The following KCNAB1 variants were observed in gnomAD, a reference collection of about 807,000 sequenced individuals.
KCNAB1 encodes potassium voltage-gated channel subfamily A regulatory beta subunit 1.
In KCNAB1, 35 loss-of-function variants were observed where a neutral mutation model predicts 64.6. The ratio of observed to expected loss-of-function variants is 0.54; its 90% CI spans 0.41 to 0.72. The LOEUF (loss-of-function observed/expected upper bound fraction) is 0.72. KCNAB1 is among the 30% of genes least tolerant of loss of function. The pLI is 0.00. For synonymous variants in KCNAB1, 177 were observed against 183.8 expected (o/e 0.96, Z 0.30); for missense variants, 401 against 512.9 (o/e 0.78, Z 2.11).
intron 1 of KCNAB1, among the ~76,000 whole-genome samples, chr3:156,165,071 G>A (rs1427316697): frequency 6.6e-6 from 1 of 151,910 alleles, no homozygotes; most frequent in East Asian, 1.9e-4. Flanking sequence ...GAGGTCAGGA[G>A]ATCGAGACCA....
intron 1 of KCNAB1, among the ~76,000 whole-genome samples, chr3:156,352,312 A>G (rs1032311694): frequency 6.6e-6 from 1 of 152,148 alleles, no homozygotes; most frequent in Non-Finnish European, 1.5e-5. Context: ...GGATCCTGCT[A>G]TGCCTGATCA....
intron 1 of KCNAB1, among the ~76,000 whole-genome samples, chr3:156,248,165 T>A (rs535612624): frequency 1.3e-5 from 2 of 152,240 alleles, no homozygotes; most frequent in Non-Finnish European, 2.9e-5. Context: ...TTGTAATCAA[T>A]GCACCAATGA....
chr3:156,338,903 C>A (rs1723912732), intron 1 of KCNAB1, among the ~76,000 whole-genome samples: 1 of 152,180 alleles, frequency 6.6e-6, no homozygotes, highest in South Asian at 2.1e-4. Flanking sequence ...TGGGGTGCTC[C>A]CAGTCACCTG....
intron 1 of KCNAB1, among the ~76,000 whole-genome samples, chr3:156,237,093 T>C (rs765260833): frequency 6.6e-6 from 1 of 152,186 alleles, no homozygotes; most frequent in Non-Finnish European, 1.5e-5. Context: ...GTACACACAA[T>C]GTTTGAACAG....
rs1347536675 is a variant in KCNAB1 at position 156,354,114 on chromosome 3, GTGTGTGTATATATATATATATATATA to G, written c.276-67500_276-67475del. On this transcript the variant is annotated intron_variant, in intron 1 of 13. Coordinates refer to ENST00000490337, the MANE Select transcript of KCNAB1 (RefSeq NM_172160.3). ...ATATATAATATATGTATATATATGT[GTGTGTGTATATATATATATATATATA>G]TATGTGTATATATATATATGTATAT... 5.7e-5 allele frequency among the ~76,000 whole-genome samples: 6 copies of G among 105,666 alleles called. 1 individual carries two copies. In the South Asian group the frequency reaches 1.2e-3, roughly 22 times the overall value. The allele number at this position is 105,666 out of a possible 152,430, so 69.3% of individuals were successfully genotyped here. A position where few individuals can be genotyped will look rare whatever the true frequency, so the allele number is the denominator to read the frequency against.
At chr3:156,366,246 T>C (rs1445390164) in intron 1 of KCNAB1, among the ~76,000 whole-genome samples, 1 of 152,050 alleles carries the variant, frequency 6.6e-6, no homozygotes, top group Non-Finnish European at 1.5e-5. Context: ...AAACAAATGA[T>C]GGGATGAAAA....
rs3085726 is a variant in KCNAB1, at chr3:156,537,240, CAAAA to C, written c.*502_*505del. 5.7e-5 allele frequency: 20 copies of C among 350,130 alleles called. No homozygotes were observed. Among genetic ancestry groups the C allele is most frequent in the African/African-American group, 1.5e-4 (7 of 46,078 alleles). The allele number at this position is 350,130 out of a possible 1,614,324, so 21.7% of individuals were successfully genotyped here. On this transcript the variant is annotated 3_prime_UTR_variant, in exon 14 of 14. Transcript: ENST00000490337. ...TAGTTATTAAAAATATATCTCACTG[CAAAA>C]AAAAAAAAGCAGTATCTTCACTCAA...
chr3:156,207,736 G>A (rs1398210153), intron 1 of KCNAB1, among the ~76,000 whole-genome samples: 2 of 152,222 alleles, frequency 1.3e-5, no homozygotes, highest in South Asian at 2.1e-4. Context: ...GGCTTCCTTG[G>A]TTGTATTCAA....
At chr3:156,125,457 A>T (rs1043843816) in intron 1 of KCNAB1, among the ~76,000 whole-genome samples, 1 of 152,230 alleles carries the variant, frequency 6.6e-6, no homozygotes, top group Admixed American at 6.5e-5. Flanking sequence ...AGTGACTTGG[A>T]GATAGAATAC....
At position 156,508,337 on chromosome 3, in the gene KCNAB1, A is replaced by G. The variant is rs1220427911; in HGVS notation, c.659-6027A>G. On this transcript the variant is annotated intron_variant, in intron 8 of 13. Transcript: ENST00000490337. This position sits in a 1 kb window ranked among gnomAD's most constrained non-coding sequence, Gnocchi z 4.1. ...TAAGCATATTTTTATCTTTACCCCT[A>G]TGGCTTATTGTTCATGCAGTACAAC... Among the ~76,000 whole-genome samples, 1 of 152,076 alleles carries G rather than the reference A, an allele frequency of 6.6e-6. No homozygotes were observed. The highest frequency in any genetic ancestry group is 1.5e-5 in the Non-Finnish European group (1 of 68,024).
intron 1 of KCNAB1, chr3:156,227,984 G>A (rs1056961825): frequency 6.6e-6 from 1 of 152,238 alleles, no homozygotes; most frequent in African/African-American, 2.4e-5. Flanking sequence ...TAGAGGCACG[G>A]GAAGAGAGAG....
intron 1 of KCNAB1, among the ~76,000 whole-genome samples, chr3:156,356,758 A>G (rs771654127): frequency 6.6e-6 from 1 of 152,216 alleles, no homozygotes; most frequent in Non-Finnish European, 1.5e-5. Flanking sequence ...CTGGCTGCAC[A>G]AGTTTCTGCA....
At chr3:156,488,840 G>T (rs557461482) in intron 8 of KCNAB1, among the ~76,000 whole-genome samples, 1 of 152,250 alleles carries the variant, frequency 6.6e-6, no homozygotes, top group South Asian at 2.1e-4. Context: ...GCCGTGGACT[G>T]TAATGTGGTT....
intron 1 of KCNAB1, among the ~76,000 whole-genome samples, chr3:156,254,715 G>T (rs971311389): frequency 6.6e-6 from 1 of 152,164 alleles, no homozygotes; most frequent in Non-Finnish European, 1.5e-5. Flanking sequence ...AAGAAGTGTT[G>T]GTTGCTGAGA....
At chr3:156,459,039 C>T (rs1712677929) in intron 4 of KCNAB1, among the ~76,000 whole-genome samples, 1 of 152,234 alleles carries the variant, frequency 6.6e-6, no homozygotes, top group African/African-American at 2.4e-5. Context: ...CCAATAATGA[C>T]TAGCCATGAC....
At chr3:156,372,203 C>T (rs541961489) in intron 1 of KCNAB1, among the ~76,000 whole-genome samples, 7 of 152,214 alleles carry the variant, frequency 4.6e-5, no homozygotes, top group South Asian at 2.1e-4. Flanking sequence ...AATTTCCTCA[C>T]GGAGAAAATA....
chr3:156,351,112 A>C (rs1315942076), intron 1 of KCNAB1, among the ~76,000 whole-genome samples: 1 of 152,276 alleles, frequency 6.6e-6, no homozygotes, highest in African/African-American at 2.4e-5. Context: ...ATGCAACTAG[A>C]AAGATATCAT....
intron 1 of KCNAB1, among the ~76,000 whole-genome samples, chr3:156,174,231 A>C (rs1712203953): frequency 6.6e-6 from 1 of 152,198 alleles, no homozygotes; most frequent in Admixed American, 6.5e-5. Flanking sequence ...TTTTACTCAA[A>C]ATAATTTTAG....
intron 1 of KCNAB1, chr3:156,292,160 A>G (rs781620097): frequency 6.2e-7 from 1 of 1,610,720 alleles, no homozygotes; most frequent in Non-Finnish European, 8.5e-7. Context: ...TGTGCGGGGT[A>G]TCCAGGTTCT....
Sources: allele counts gnomAD v4.1 joint callset (sites outside exome capture counted in the v4.1 genomes callset), GRCh38; gene constraint gnomAD v4.1.1; non-coding constraint Gnocchi (gnomAD v3.1); transcripts MANE v1.5; gene names NCBI Gene and HGNC (gene_info 2026-07-23, HGNC 2026-07-21).